The following MGAT4C variants were observed in gnomAD, a reference collection of about 807,000 sequenced individuals.
The protein encoded by MGAT4C is MGAT4 family member C.
A neutral mutation model predicts 40.1 loss-of-function variants in MGAT4C; 19 were observed. That is an observed-to-expected ratio of 0.47 (90% CI 0.33 to 0.70). The LOEUF (loss-of-function observed/expected upper bound fraction) is 0.70, where lower values mean the gene tolerates loss of function less well. Ranked by LOEUF, MGAT4C falls within the 30% of genes least tolerant of loss-of-function variation. MGAT4C has a pLI of 0.02. For synonymous variants in MGAT4C, 181 were observed against 187.1 expected, an observed-to-expected ratio of 0.97 and a Z score of 0.27; for missense variants, 491 against 563.2, an observed-to-expected ratio of 0.87 and a Z score of 1.30.
At chr12:86,338,449 G>A (rs1307251935) in intron 3 of MGAT4C, among the ~76,000 whole-genome samples, 3 of 152,134 alleles carry the variant, frequency 2.0e-5, no homozygotes, top group Non-Finnish European at 4.4e-5. Flanking sequence ...CTAATCTTGT[G>A]GCTAATTTCT....
At chr12:86,195,951 T>C (rs1258651390) in intron 1 of MGAT4C, among the ~76,000 whole-genome samples, 2 of 152,208 alleles carry the variant, frequency 1.3e-5, no homozygotes, top group African/African-American at 2.4e-5. Flanking sequence ...TATTTCTATA[T>C]AGACATGTAT....
intron 1 of MGAT4C, among the ~76,000 whole-genome samples, chr12:86,744,802 C>T (rs1344765031): frequency 6.6e-6 from 1 of 151,442 alleles, no homozygotes; most frequent in Non-Finnish European, 1.5e-5. Context: ...AAGTGTGTCA[C>T]TTAAAAAATA....
At chr12:86,798,994 T>A (rs1160509554) in intron 1 of MGAT4C, among the ~76,000 whole-genome samples, 1 of 151,882 alleles carries the variant, frequency 6.6e-6, no homozygotes, top group Non-Finnish European at 1.5e-5. Flanking sequence ...TTAAATAATT[T>A]AATTTGCCTT....
chr12:86,367,910 G>A (rs185062560), intron 3 of MGAT4C, among the ~76,000 whole-genome samples: 32 of 152,164 alleles, frequency 2.1e-4, no homozygotes, highest in Middle Eastern at 3.4e-3. Flanking sequence ...GGCCAGAAGC[G>A]CCTCTCAGGT....
chr12:86,546,047 T>C (rs1034911245), intron 2 of MGAT4C, among the ~76,000 whole-genome samples: 3 of 151,950 alleles, frequency 2.0e-5, no homozygotes, highest in Non-Finnish European at 4.4e-5. Context: ...AATAAATAGA[T>C]CCCAATGCTC....
intron 2 of MGAT4C, among the ~76,000 whole-genome samples, chr12:86,662,217 C>T (rs573852197): frequency 6.6e-6 from 1 of 152,234 alleles, no homozygotes; most frequent in Admixed American, 6.5e-5. Context: ...ATGAGATTAA[C>T]TCATGTATCC....
chr12:86,307,776 C>T (rs139257166), intron 4 of MGAT4C, among the ~76,000 whole-genome samples: 3 of 150,018 alleles, frequency 2.0e-5, no homozygotes, highest in Non-Finnish European at 2.9e-5. Context: ...GATCTCGGCT[C>T]GCTGCAAGCT....
intron 4 of MGAT4C, among the ~76,000 whole-genome samples, chr12:86,307,494 C>G (rs895838630): frequency 1.3e-5 from 2 of 150,118 alleles, no homozygotes; most frequent in African/African-American, 2.5e-5. Flanking sequence ...TGGAACTAAT[C>G]AAAAGGGTCT....
At chr12:86,409,312 C>A (rs1956555178) in intron 3 of MGAT4C, among the ~76,000 whole-genome samples, 1 of 152,072 alleles carries the variant, frequency 6.6e-6, no homozygotes, top group South Asian at 2.1e-4. Flanking sequence ...AATTAAAGCA[C>A]TGAAAGAATT....
intron 3 of MGAT4C, among the ~76,000 whole-genome samples, chr12:86,411,075 T>G (rs371825733): frequency 9.3e-4 from 141 of 152,280 alleles, no homozygotes; most frequent in African/African-American, 3.1e-3. Context: ...ATTAAACTTC[T>G]TTTATTTATA....
intron 1 of MGAT4C, among the ~76,000 whole-genome samples, chr12:86,160,828 T>C (rs1885512141): frequency 6.6e-6 from 1 of 152,090 alleles, no homozygotes. Flanking sequence ...TCAAGCAATG[T>C]TCTTCATTGT....
chr12:86,366,888 CAATT>C (rs1170269902), intron 3 of MGAT4C, among the ~76,000 whole-genome samples: 3 of 151,848 alleles, frequency 2.0e-5, no homozygotes, highest in Non-Finnish European at 2.9e-5. Flanking sequence ...GTATTTGAAA[CAATT>C]AAAAATGTAT....
chr12:86,444,361 A>T (rs1957294804), intron 2 of MGAT4C, among the ~76,000 whole-genome samples: 3 of 151,954 alleles, frequency 2.0e-5, no homozygotes, highest in South Asian at 2.1e-4. Flanking sequence ...CTGATCATGG[A>T]TCTCTTTTTC....
intron 1 of MGAT4C, among the ~76,000 whole-genome samples, chr12:86,798,205 T>C (rs141532291): frequency 3.9e-5 from 6 of 152,100 alleles, no homozygotes; most frequent in Non-Finnish European, 7.4e-5. Context: ...GTTCACGTTA[T>C]GATCAAACAG....
intron 2 of MGAT4C, among the ~76,000 whole-genome samples, chr12:86,597,822 T>C (rs1027496263): frequency 2.0e-5 from 3 of 152,050 alleles, no homozygotes; most frequent in African/African-American, 7.2e-5. Flanking sequence ...CTGTGGGAGA[T>C]GGATTTGAGG....
chr12:86,754,028 G>A (rs1269846135), intron 1 of MGAT4C, among the ~76,000 whole-genome samples: 1 of 152,082 alleles, frequency 6.6e-6, no homozygotes, highest in Non-Finnish European at 1.5e-5. Context: ...TATATAGAGA[G>A]ACTTGTATGT....
chr12:86,733,001 C>G (rs1950934830), intron 1 of MGAT4C, among the ~76,000 whole-genome samples: 1 of 151,976 alleles, frequency 6.6e-6, no homozygotes, highest in Non-Finnish European at 1.5e-5. Context: ...AACTCTTTTT[C>G]ATTTTAATAA....
At chr12:86,739,779 C>G (rs1951038751) in intron 1 of MGAT4C, among the ~76,000 whole-genome samples, 1 of 150,740 alleles carries the variant, frequency 6.6e-6, no homozygotes, top group Non-Finnish European at 1.5e-5. Context: ...TGGAACAAAT[C>G]CCCCTTGGAT....
intron 1 of MGAT4C, among the ~76,000 whole-genome samples, chr12:86,786,029 C>T (rs2136188265): frequency 6.6e-6 from 1 of 152,080 alleles, no homozygotes; most frequent in Non-Finnish European, 1.5e-5. Context: ...CACTATAATT[C>T]CCCGTTACAG....
Sources: allele counts gnomAD v4.1 joint callset (sites outside exome capture counted in the v4.1 genomes callset), GRCh38; gene constraint gnomAD v4.1.1; transcripts MANE v1.5; gene names NCBI Gene and HGNC (gene_info 2026-07-23, HGNC 2026-07-21).